Variants in ZMYM2 observed in about 807,000 individuals in gnomAD.
The protein encoded by ZMYM2 is zinc finger MYM-type containing 2.
ZMYM2 carries 56 observed loss-of-function variants against 162.8 expected under a neutral mutation model. That is an observed-to-expected ratio of 0.34 (90% confidence interval 0.28 to 0.43). ZMYM2 has a LOEUF of 0.43. Among genes scored for constraint, ZMYM2 ranks in the 20% least tolerant of loss-of-function variants. The pLI is 1.00. For missense variants in ZMYM2, 1,275 were observed against 1,621.8 expected, an observed-to-expected ratio of 0.79 and a Z score of 3.67; for synonymous variants, 510 against 541.6, an observed-to-expected ratio of 0.94 and a Z score of 0.81.
At chr13:19,889,060 C>T in the ZMYM2 span, among the ~76,000 whole-genome samples, 12 of 152,066 alleles carry the variant, frequency 7.9e-5, no homozygotes, top group East Asian at 2.3e-3. Flanking sequence ...GACTGCATCT[C>T]TGTTGGCCCC....
chr13:20,037,523 A>G (rs1394329116), intron 12 of ZMYM2, among the ~76,000 whole-genome samples: 1 of 152,160 alleles, frequency 6.6e-6, no homozygotes, highest in Non-Finnish European at 1.5e-5. Context: ...CTAAATAGAA[A>G]TACTTTCAAC....
intron 7 of ZMYM2, among the ~76,000 whole-genome samples, chr13:20,020,380 A>G (rs762347362): frequency 6.6e-5 from 10 of 151,706 alleles, no homozygotes; most frequent in Non-Finnish European, 1.3e-4. Context: ...GATTACAGTC[A>G]TGCACCACCA....
chr13:20,048,204 C>A (rs1403376323), intron 12 of ZMYM2, among the ~76,000 whole-genome samples: 1 of 151,808 alleles, frequency 6.6e-6, no homozygotes, highest in Non-Finnish European at 1.5e-5. Flanking sequence ...CAAATGCCCT[C>A]TAATAGTCTT....
the ZMYM2 span, among the ~76,000 whole-genome samples, chr13:19,869,976 C>T: frequency 6.6e-6 from 1 of 152,190 alleles, no homozygotes; most frequent in African/African-American, 2.4e-5. Context: ...TGGGAAGAAG[C>T]TCACCTGGGT....
chr13:19,951,098 C>T, the ZMYM2 span, among the ~76,000 whole-genome samples: 2 of 152,122 alleles, frequency 1.3e-5, no homozygotes, highest in African/African-American at 4.8e-5. Flanking sequence ...ATAATTCTTC[C>T]AGTGTGGGCC....
chr13:19,999,372 G>A (rs1426030723), intron 3 of ZMYM2, among the ~76,000 whole-genome samples: 2 of 152,070 alleles, frequency 1.3e-5, no homozygotes, highest in Non-Finnish European at 2.9e-5. Flanking sequence ...AATATTTCAG[G>A]CCTTTTCATT....
At chr13:19,878,030 T>G in the ZMYM2 span, among the ~76,000 whole-genome samples, 1 of 151,214 alleles carries the variant, frequency 6.6e-6, no homozygotes, top group Non-Finnish European at 1.5e-5. Context: ...TTCACATTCT[T>G]GCCAACACTG....
the ZMYM2 span, among the ~76,000 whole-genome samples, chr13:19,867,488 C>A: frequency 6.6e-6 from 1 of 152,136 alleles, no homozygotes; most frequent in Non-Finnish European, 1.5e-5. Flanking sequence ...TAATGCTTAT[C>A]TTGGACAAAC....
At chr13:20,051,621 A>G in intron 13 of ZMYM2, 23 bp downstream of exon 13, 1 of 1,597,192 alleles carries the variant, frequency 6.3e-7, no homozygotes, top group Non-Finnish European at 8.5e-7. Context: ...TTAGGTGATA[A>G]CTTGAAAACC....
the ZMYM2 span, among the ~76,000 whole-genome samples, chr13:19,877,283 G>A: frequency 6.6e-6 from 1 of 152,114 alleles, no homozygotes; most frequent in African/African-American, 2.4e-5. Context: ...AAGGGGCATG[G>A]TGCCTGCATC....
At chr13:20,011,468 G>A (rs115944939) in intron 6 of ZMYM2, among the ~76,000 whole-genome samples, 1,946 of 152,028 alleles carry the variant, frequency 0.013, 50 homozygotes, top group African/African-American at 0.043. Context: ...TTGCATTTGC[G>A]TTGCTCATTC....
At chr13:19,916,004 G>T in the ZMYM2 span, among the ~76,000 whole-genome samples, 15 of 151,416 alleles carry the variant, frequency 9.9e-5, no homozygotes, top group Non-Finnish European at 2.1e-4. Flanking sequence ...GGACTACAGG[G>T]GCCCGCCACC....
intron 21 of ZMYM2, among the ~76,000 whole-genome samples, chr13:20,073,975 C>T (rs1311198789): frequency 6.6e-6 from 1 of 152,266 alleles, no homozygotes; most frequent in East Asian, 1.9e-4. Context: ...CTCTTTTCAT[C>T]TTGCAGAACT....
the ZMYM2 span, among the ~76,000 whole-genome samples, chr13:19,880,798 G>GC: frequency 4.8e-4 from 73 of 152,224 alleles, 1 homozygote; most frequent in African/African-American, 1.5e-3. Context: ...ACTGACTTTT[G>GC]CATGTTGACT....
chr13:20,075,670 C>CTTTTTTTTTTTTTTTTTTTTTT lies in ZMYM2; in HGVS notation c.3454-6335_3454-6314dup, dbSNP rs56664916. Among the ~76,000 whole-genome samples the CTTTTTTTTTTTTTTTTTTTTTT allele has an allele frequency of 1.1e-4, 8 of 75,738 alleles. 1 individual carries two copies. Among genetic ancestry groups the CTTTTTTTTTTTTTTTTTTTTTT allele is most frequent in the African/African-American group, 2.2e-4 (4 of 18,430 alleles). The allele number at this position is 75,738 out of a possible 152,430, so 49.7% of individuals were successfully genotyped here. A position where few individuals can be genotyped will look rare whatever the true frequency, so the allele number is the denominator to read the frequency against. ...TTATTATGAATAGAACTATAGACAC[C>CTTTTTTTTTTTTTTTTTTTTTT]TTTTTTTTTTTTTTTTTTTTTTTTT... is the stretch of plus-strand genomic sequence containing the variant. On this transcript the variant is annotated intron_variant, in intron 21 of 24. Coordinates refer to ENST00000610343, the MANE Select transcript of ZMYM2 (RefSeq NM_197968.4).
rs1458554983 is a variant in ZMYM2, at chr13:20,088,908, A to G, written c.*2894A>G. 5.1e-6 allele frequency: 1 copy of G among 196,898 alleles called. No individual in the cohort carries two copies. Among genetic ancestry groups the G allele is most frequent in the African/African-American group, 2.3e-5 (1 of 43,374 alleles). The allele number at this position is 196,898 out of a possible 1,614,324, so 12.2% of individuals were successfully genotyped here. A position where few individuals can be genotyped will look rare whatever the true frequency, so the allele number is the denominator to read the frequency against. ...GCATTACTCTAATGTGGGTTCATTT[A>G]ATCTGAGATCTTAAATATCTTGCAG... On this transcript the variant is annotated 3_prime_UTR_variant, in exon 25 of 25. Coordinates refer to ENST00000610343, the MANE Select transcript of ZMYM2 (RefSeq NM_197968.4).
At chr13:20,062,744 A>G (rs2140809244) in intron 17 of ZMYM2, 102 bp from the exon 18 acceptor site, 5 of 1,178,764 alleles carry the variant, frequency 4.2e-6, no homozygotes, top group South Asian at 4.0e-5. Context: ...GTATTTTTTT[A>G]TATTGCATTT....
chr13:20,061,371 A>AGACCACC, intron 17 of ZMYM2, 147 bp downstream of exon 17: 1 of 695,012 alleles, frequency 1.4e-6, no homozygotes, highest in Admixed American at 4.5e-5. Context: ...TTTTATATTA[A>AGACCACC]GAGATCTACA....
chr13:19,957,858 G>T (rs1368122634), upstream of ZMYM2, among the ~76,000 whole-genome samples: 2 of 152,250 alleles, frequency 1.3e-5, no homozygotes, highest in Non-Finnish European at 2.9e-5. Flanking sequence ...GCGGGGAGCT[G>T]CGTCTGGGTC....
Sources: allele counts gnomAD v4.1 joint callset (sites outside exome capture counted in the v4.1 genomes callset), GRCh38; gene constraint gnomAD v4.1.1; transcripts MANE v1.5; gene names NCBI Gene and HGNC (gene_info 2026-07-23, HGNC 2026-07-21).